The following WDR81 variants were observed in gnomAD, a reference collection of about 807,000 sequenced individuals.
WDR81 encodes the protein WD repeat-containing protein 81.
WDR81 carries 92 observed loss-of-function variants against 140.8 expected under a neutral mutation model. The ratio of observed to expected loss-of-function variants is 0.65; its 90% CI spans 0.55 to 0.78. The LOEUF (loss-of-function observed/expected upper bound fraction) is 0.78, where lower values mean the gene tolerates loss of function less well. WDR81 is among the 30% of genes least tolerant of loss of function. WDR81 has a pLI of 0.00. For missense variants in WDR81, 2,502 were observed against 2,636.4 expected (o/e 0.95, Z 1.12); for synonymous variants, 1,183 against 1,156.4 (o/e 1.02, Z -0.47).
chr17:1,732,243 A>G, intron 4 of WDR81, 82 bp from the exon 5 acceptor site: 1 of 1,546,612 alleles, frequency 6.5e-7, no homozygotes, highest in Non-Finnish European at 8.7e-7. Flanking sequence ...TCTCAATAAA[A>G]ATAAAAATAA....
intron 9 of WDR81, among the ~76,000 whole-genome samples, chr17:1,737,113 T>A (rs1348935999): frequency 1.3e-5 from 2 of 152,036 alleles, no homozygotes; most frequent in East Asian, 3.9e-4. Context: ...AAGGTCAAGG[T>A]CGTCACGTGC....
At chr17:1,733,308 A>C (rs935898976) in intron 6 of WDR81, among the ~76,000 whole-genome samples, 1 of 152,224 alleles carries the variant, frequency 6.6e-6, no homozygotes, top group Admixed American at 6.5e-5. Flanking sequence ...CCTAGTGCCC[A>C]GCACGGCACG....
chr17:1,725,522 C>A lies in WDR81; in HGVS notation c.563C>A (p.Ser188Tyr). 1 of 1,545,874 alleles carries A rather than the reference C, an allele frequency of 6.5e-7. No homozygotes were observed. The highest frequency in any genetic ancestry group is 8.7e-7 in the Non-Finnish European group (1 of 1,146,948). Residue 188 changes from serine to tyrosine, a missense_variant, in exon 1 of 10, where the codon TCC becomes TAC. Physicochemically the swap from Ser to Tyr is moderately radical, Grantham distance 144. Transcript: ENST00000409644. ...RQALQRVYGC[S>Y]FLPVGETTQC... ...GCTCTGCAGAGGGTCTATGGTTGCTCCTTCCTGCCAGTGGGTGAAACTACC... is the reference window on the plus strand; with the variant it reads ...GCTCTGCAGAGGGTCTATGGTTGCTACTTCCTGCCAGTGGGTGAAACTACC...
chr17:1,733,046 G>T, intron 6 of WDR81: 1 of 592,608 alleles, frequency 1.7e-6, no homozygotes, highest in Non-Finnish European at 2.8e-6. Context: ...AAGCTGGCCT[G>T]TAGTGTCCCT....
rs1425308808 is a variant in WDR81, at chr17:1,724,822, C to T, written c.-138C>T. On this transcript the variant is annotated 5_prime_UTR_variant, in exon 1 of 10. Coordinates refer to ENST00000409644, the MANE Select transcript of WDR81 (RefSeq NM_001163809.2). ...CCCCCGTCCGCCTCTTCGCCGCCGCCGGCTTCCTGCGGCCGCCTCCGCCCC... is the reference window on the plus strand; with the variant it reads ...CCCCCGTCCGCCTCTTCGCCGCCGCTGGCTTCCTGCGGCCGCCTCCGCCCC... The T allele has an allele frequency of 1.7e-6, 2 of 1,205,626 alleles. No individual in the cohort carries two copies. Among genetic ancestry groups the T allele is most frequent in the African/African-American group, 3.2e-5 (2 of 63,320 alleles). 74.7% of individuals were successfully genotyped at this position (1,205,626 alleles called of 1,614,324 possible).
At chr17:1,731,507 C>T (rs1013641613) in intron 4 of WDR81, among the ~76,000 whole-genome samples, 3 of 152,200 alleles carry the variant, frequency 2.0e-5, no homozygotes, top group East Asian at 1.9e-4. Context: ...CACGGTGGCT[C>T]ATGCCTGTAA....
chr17:1,723,715 G>T (rs543075724), upstream of WDR81, among the ~76,000 whole-genome samples: 6 of 151,938 alleles, frequency 3.9e-5, no homozygotes, highest in South Asian at 1.2e-3. Context: ...TCGATCTCCT[G>T]ACCTCGTGAT....
Position 1,726,752 on chromosome 17 carries a change from T to A in WDR81, c.1793T>A (p.Leu598His). Reference protein sequence around the residue: ...HPQRLAGAPALAPEPPLIPKL... With the variant: ...HPQRLAGAPAHAPEPPLIPKL... Reference sequence around the variant, plus strand: ...CAGCGCCTGGCTGGGGCTCCTGCCCTTGCCCCCGAGCCTCCCCTCATCCCC... The same window carrying A: ...CAGCGCCTGGCTGGGGCTCCTGCCCATGCCCCCGAGCCTCCCCTCATCCCC... The change falls in exon 1 of 10, where the codon CTT becomes CAT. Residue 598 changes from leucine (L) to histidine (H), a missense_variant. Around this residue, in one of 3 missense-constraint regions of WDR81, gnomAD observed 1,737 missense variants for 1,843.0 expected, o/e 0.94. Coordinates refer to ENST00000409644, the MANE Select transcript of WDR81 (RefSeq NM_001163809.2). The A allele has an allele frequency of 6.5e-7, 1 of 1,547,744 alleles. No individual in the cohort carries two copies. The highest frequency in any genetic ancestry group is 8.7e-7 in the Non-Finnish European group (1 of 1,146,442).
At chr17:1,723,082 C>A (rs1377720278), upstream of WDR81, among the ~76,000 whole-genome samples, 1 of 152,192 alleles carries the variant, frequency 6.6e-6, no homozygotes, top group Non-Finnish European at 1.5e-5. Flanking sequence ...AAGAGGGAGA[C>A]AAAAGAAACA....
chr17:1,725,394 G>A lies in WDR81; in HGVS notation c.435G>A (p.Gln145=), dbSNP rs754090801. ...LTRFMQEVAA[Q]NYRNLWRHAY... is the part of the protein sequence containing the mutation. ...GCTTCATGCAGGAGGTTGCCGCCCA[G>A]AATTATCGCAACCTGTGGCGCCATG... The change falls in exon 1 of 10, where the codon CAG becomes CAA. Residue 145 remains glutamine, a synonymous_variant. Coordinates refer to ENST00000409644, the MANE Select transcript of WDR81 (RefSeq NM_001163809.2). 1.9e-6 allele frequency: 3 copies of A among 1,549,640 alleles called. No homozygotes were observed. Among genetic ancestry groups the A allele is most frequent in the Non-Finnish European group, 2.6e-6 (3 of 1,147,002 alleles).
chr17:1,726,450 C>G lies in WDR81; in HGVS notation c.1491C>G (p.Thr497=). ...ATGAGTGCATTCCGGAGTTCTACAC[C>G]GATCCCTCTATCTTCCGCTCCATCC... ...TPDECIPEFY[T]DPSIFRSIHP... is the part of the protein sequence containing the mutation. Residue 497 remains threonine, a synonymous_variant, in exon 1 of 10, where the codon ACC becomes ACG. Transcript: ENST00000409644. The G allele has an allele frequency of 1.9e-6, 3 of 1,550,464 alleles. No individual in the cohort carries two copies. Among genetic ancestry groups the G allele is most frequent in the Non-Finnish European group, 1.7e-6 (2 of 1,147,000 alleles).
At position 1,731,135 on chromosome 17, in the gene WDR81, C is replaced by T. The variant is rs534217217; in HGVS notation, c.4034C>T (p.Ala1345Val). The change falls in exon 4 of 10, where the codon GCG (alanine) becomes GTG (valine). Residue 1345 changes from alanine (A) to valine (V), a missense_variant. Physicochemically the swap from Ala to Val is moderately conservative, Grantham distance 64. This residue lies in a region of WDR81 where 1,737 missense variants were observed against 1,843.0 expected (regional missense o/e 0.94). Transcript: ENST00000409644. ...NSRKEAGLLA[A>V]VTLTQKIIVY... Reference sequence around the variant, plus strand: ...CGTAAGGAGGCGGGGCTGCTGGCCGCGGTGACGCTGACTCAGAAGATCATC... The same window carrying T: ...CGTAAGGAGGCGGGGCTGCTGGCCGTGGTGACGCTGACTCAGAAGATCATC... 3 of 1,613,298 alleles carry T rather than the reference C, an allele frequency of 1.9e-6. No homozygotes were observed. The highest frequency in any genetic ancestry group is 2.2e-5 in the South Asian group (2 of 91,082).
In WDR81 at chr17:1,728,092, G is replaced by C; in HGVS notation, c.3133G>C (p.Ala1045Pro). 1 of 1,599,944 alleles carries C rather than the reference G, an allele frequency of 6.3e-7. No individual in the cohort carries two copies. The highest frequency in any genetic ancestry group is 8.5e-7 in the Non-Finnish European group (1 of 1,173,776). Residue 1045 changes from alanine to proline, a missense_variant, in exon 1 of 10, where the codon GCT becomes CCT. Physicochemically the swap from Ala to Pro is conservative, Grantham distance 27. Transcript: ENST00000409644. ...GCCCGGGGCCGGGCCTGGCTCCTGT[G>C]CTTTTGGGGAGGAGATTCCCATGGA... ...GLPGAGPGSC[A>P]FGEEIPMDGE...
Position 1,735,689 on chromosome 17 carries a change from T to G in WDR81, c.5297T>G (p.Phe1766Cys). 3.1e-6 allele frequency: 5 copies of G among 1,612,694 alleles called. No homozygotes were observed. Among genetic ancestry groups the G allele is most frequent in the Non-Finnish European group, 4.2e-6 (5 of 1,179,796 alleles). Residue 1766 changes from phenylalanine (F) to cysteine (C), a missense_variant, in exon 8 of 10, where the codon TTT becomes TGT. Coordinates refer to ENST00000409644, the MANE Select transcript of WDR81 (RefSeq NM_001163809.2). The surrounding 1 kb of genome is among the most constrained non-coding windows in gnomAD (Gnocchi z 4.2). The part of the protein sequence containing the change: ...TMASSDSTLR[F>C]VDCRKPGLQH... ...GCCAGCTCTGACTCTACCCTGCGCT[T>G]TGTGGACTGCAGGAAGCCTGGTCTG...
Position 1,728,486 on chromosome 17 carries a change from C to G in WDR81, c.3527C>G (p.Thr1176Ser). ...GAGGAGGGGGAGCAGGAGGAGGTCA[C>G]CGGGGCATCTGAGCTCACTCTGTCT... Reference protein sequence around the residue: ...EEEEGEQEEVTGASELTLSDT... With the variant: ...EEEEGEQEEVSGASELTLSDT... The change falls in exon 1 of 10, where the codon ACC becomes AGC. Residue 1176 changes from threonine to serine, a missense_variant. Coordinates refer to ENST00000409644, the MANE Select transcript of WDR81 (RefSeq NM_001163809.2). 1 of 1,602,032 alleles carries G rather than the reference C, an allele frequency of 6.2e-7. No individual in the cohort carries two copies. Among genetic ancestry groups the G allele is most frequent in the Non-Finnish European group, 8.5e-7 (1 of 1,173,596 alleles).
intron 1 of WDR81, among the ~76,000 whole-genome samples, chr17:1,718,983 C>T (rs1396914976): frequency 6.6e-6 from 1 of 152,170 alleles, no homozygotes; most frequent in Admixed American, 6.5e-5. Flanking sequence ...CACGTGGTCC[C>T]TGGCCTCTGT....
chr17:1,718,149 G>A (rs1047566649), intron 1 of WDR81, among the ~76,000 whole-genome samples: 4 of 150,722 alleles, frequency 2.7e-5, no homozygotes, highest in African/African-American at 7.3e-5. Flanking sequence ...ACAGAGTCTC[G>A]CTCTGTTGCC....
In WDR81 at chr17:1,728,243, C is replaced by T. The variant is rs1260716596; in HGVS notation, c.3284C>T (p.Pro1095Leu). ...FQAGLYVTESPQPQEAEAVSL... is the reference protein window; with the variant it reads ...FQAGLYVTESLQPQEAEAVSL... The stretch of plus-strand genomic sequence containing the variant: ...GCCGGGCTCTATGTGACTGAGTCTC[C>T]CCAGCCCCAGGAGGCTGAGGCTGTG... The change falls in exon 1 of 10, where the codon CCC (proline) becomes CTC (leucine). Residue 1095 changes from proline (P) to leucine (L), a missense_variant. Physicochemically the swap from Pro to Leu is moderately conservative, Grantham distance 98. This residue lies in a region of WDR81 where 1,737 missense variants were observed against 1,843.0 expected (regional missense o/e 0.94). Transcript: ENST00000409644. The T allele has an allele frequency of 2.5e-6, 4 of 1,611,198 alleles. No homozygotes were observed. In the South Asian group the frequency reaches 3.3e-5, roughly 13 times the overall value.
Position 1,727,905 on chromosome 17 carries a change from G to C in WDR81, c.2946G>C (p.Leu982=). 6 of 1,550,754 alleles carry C rather than the reference G, an allele frequency of 3.9e-6. No individual in the cohort carries two copies. The highest frequency in any genetic ancestry group is 5.2e-6 in the Non-Finnish European group (6 of 1,147,062). ...SPCQLHGRFY[L]YTDCFVAQLM... ...GCCAGCTACACGGCCGCTTCTACCTGTACACGGACTGCTTTGTGGCCCAGC... is the reference window on the plus strand; with the variant it reads ...GCCAGCTACACGGCCGCTTCTACCTCTACACGGACTGCTTTGTGGCCCAGC... The change falls in exon 1 of 10, where the codon CTG becomes CTC. Residue 982 remains leucine, a synonymous_variant. Transcript: ENST00000409644.
Sources: gnomAD v4.1 joint callset for allele counts (sites outside exome capture counted in the v4.1 genomes callset) on GRCh38, gnomAD v4.1.1 for gene constraint, gnomAD v4.1.1 regional missense constraint, Gnocchi (gnomAD v3.1) non-coding constraint, MANE v1.5 for transcripts, NCBI Gene and HGNC (gene_info 2026-07-23, HGNC 2026-07-21) for gene names.